The following PTPRO variants were observed in gnomAD, a reference collection of about 807,000 sequenced individuals.
PTPRO encodes protein tyrosine phosphatase receptor type O, also known as receptor-type tyrosine-protein phosphatase O.
A neutral mutation model predicts 145.2 loss-of-function variants in PTPRO; 62 were observed. The observed-to-expected ratio is 0.43, with a 90% CI of 0.35 to 0.53. PTPRO has a LOEUF of 0.53. Ranked by LOEUF, PTPRO falls within the 20% of genes least tolerant of loss-of-function variation. The pLI, the probability that PTPRO is intolerant of heterozygous loss-of-function variation, is 0.01. For synonymous variants in PTPRO, 565 were observed against 514.7 expected (o/e 1.10, Z -1.32); for missense variants, 1,345 against 1,482.7 (o/e 0.91, Z 1.53).
Position 15,501,605 on chromosome 12 carries a change from TTC to T in PTPRO, c.662-7_662-6del. 1 of 1,601,286 alleles carries T rather than the reference TTC, an allele frequency of 6.2e-7. No homozygotes were observed. Among genetic ancestry groups the T allele is most frequent in the Non-Finnish European group, 8.6e-7 (1 of 1,168,818 alleles). On this transcript the variant is annotated splice_polypyrimidine_tract_variant and intron_variant, in intron 4 of 26. Coordinates refer to ENST00000281171, the MANE Select transcript of PTPRO (RefSeq NM_030667.3). ...ATTAAAAAATACTTGAAAATGAAAA[TTC>T]TCTCTCTTACAGCCCCTTATCCACC...
At chr12:15,437,549 A>G (rs1019621245) in intron 1 of PTPRO, among the ~76,000 whole-genome samples, 3 of 152,088 alleles carry the variant, frequency 2.0e-5, no homozygotes, top group African/African-American at 7.2e-5. Flanking sequence ...ATGGTATAGT[A>G]AGACCCTTTC....
intron 19 of PTPRO, among the ~76,000 whole-genome samples, chr12:15,572,209 A>G (rs973449267): frequency 5.3e-5 from 8 of 152,240 alleles, no homozygotes; most frequent in African/African-American, 1.7e-4. Context: ...ATGCTCATGT[A>G]TAAGTTTCAA....
rs376688511 is a variant in PTPRO at position 15,486,434 on chromosome 12, A to G, written c.349+2187A>G. Among the ~76,000 whole-genome samples the G allele has an allele frequency of 3.9e-5, 6 of 152,280 alleles. No homozygotes were observed. The South Asian group carries it at 1.2e-3, about 32-fold the overall frequency. ...TCAGCCTACTTCTGTCTTTACGTGT[A>G]AAAGGGTTTCCTGCAGACAGCATAG... On this transcript the variant is annotated intron_variant, in intron 2 of 26. Coordinates refer to ENST00000281171, the MANE Select transcript of PTPRO (RefSeq NM_030667.3).
intron 10 of PTPRO, among the ~76,000 whole-genome samples, chr12:15,522,512 T>C (rs796385679): frequency 1.6e-4 from 25 of 152,238 alleles, no homozygotes; most frequent in African/African-American, 4.6e-4. Context: ...ACTGAAGAAT[T>C]TGTAATATAT....
chr12:15,592,945 C>A (rs1267512782), intron 25 of PTPRO, among the ~76,000 whole-genome samples: 1 of 152,174 alleles, frequency 6.6e-6, no homozygotes, highest in South Asian at 2.1e-4. Context: ...TCGGGACTTT[C>A]AAGGACAAGT....
chr12:15,367,422 T>C (rs1565589462), intron 1 of PTPRO, among the ~76,000 whole-genome samples: 1 of 152,180 alleles, frequency 6.6e-6, no homozygotes, highest in African/African-American at 2.4e-5. Context: ...AAATAGAATC[T>C]TGAGAAGAAT....
At chr12:15,489,556 G>A (rs985307898) in intron 2 of PTPRO, among the ~76,000 whole-genome samples, 1 of 152,186 alleles carries the variant, frequency 6.6e-6, no homozygotes, top group Non-Finnish European at 1.5e-5. Flanking sequence ...TCATGGCACT[G>A]GTGGGTGTCT....
chr12:15,538,931 T>C (rs1392432983), intron 12 of PTPRO, among the ~76,000 whole-genome samples: 1 of 152,230 alleles, frequency 6.6e-6, no homozygotes. Flanking sequence ...CTGGGCTAGA[T>C]GATCTTTTAT....
intron 25 of PTPRO, among the ~76,000 whole-genome samples, chr12:15,593,396 G>A (rs1258672771): frequency 6.6e-6 from 1 of 152,160 alleles, no homozygotes; most frequent in Non-Finnish European, 1.5e-5. Flanking sequence ...GAAAAAGGAG[G>A]AACACTGTGA....
At chr12:15,435,879 C>G (rs1293390818) in intron 1 of PTPRO, among the ~76,000 whole-genome samples, 1 of 152,194 alleles carries the variant, frequency 6.6e-6, no homozygotes, top group African/African-American at 2.4e-5. Flanking sequence ...CTATTATTTT[C>G]AGGCCAAGAA....
At chr12:15,361,990 A>G (rs2136245078) in intron 1 of PTPRO, among the ~76,000 whole-genome samples, 1 of 152,332 alleles carries the variant, frequency 6.6e-6, no homozygotes. Context: ...GACACTGTAC[A>G]TGAACTACAG....
chr12:15,421,268 G>A (rs987991949), intron 1 of PTPRO, among the ~76,000 whole-genome samples: 1 of 152,012 alleles, frequency 6.6e-6, no homozygotes, highest in Non-Finnish European at 1.5e-5. Context: ...CTTTCCTTCT[G>A]GGCTGTAAAT....
At position 15,417,061 on chromosome 12, in the gene PTPRO, T is replaced by C. The variant is rs573791949; in HGVS notation, c.76-66913T>C. Among the ~76,000 whole-genome samples, 25 of 151,788 alleles carry C rather than the reference T, an allele frequency of 1.6e-4. 2 individuals are homozygous for C. Among genetic ancestry groups the C allele is most frequent in the African/African-American group, 6.1e-4 (25 of 41,062 alleles). Reference sequence around the variant, plus strand: ...TTCCTGAGAGGATTCTACCCTCCCATGATTCGTGGAACTATCTAAACAACT... The same window carrying C: ...TTCCTGAGAGGATTCTACCCTCCCACGATTCGTGGAACTATCTAAACAACT... On this transcript the variant is annotated intron_variant, in intron 1 of 26. Coordinates refer to ENST00000281171, the MANE Select transcript of PTPRO (RefSeq NM_030667.3).
At chr12:15,530,540 A>G (rs991854831) in intron 12 of PTPRO, among the ~76,000 whole-genome samples, 2 of 152,210 alleles carry the variant, frequency 1.3e-5, no homozygotes, top group African/African-American at 4.8e-5. Context: ...TCTGACCACA[A>G]TGGAATAAGA....
At chr12:15,377,230 T>C (rs1048564826) in intron 1 of PTPRO, among the ~76,000 whole-genome samples, 1 of 151,964 alleles carries the variant, frequency 6.6e-6, no homozygotes, top group Non-Finnish European at 1.5e-5. Context: ...ATTAAAACGG[T>C]ACACTAGAAA....
chr12:15,356,273 G>A (rs146705244), intron 1 of PTPRO, among the ~76,000 whole-genome samples: 1 of 152,184 alleles, frequency 6.6e-6, no homozygotes, highest in African/African-American at 2.4e-5. Flanking sequence ...TTGTCTTGGA[G>A]CAAGAAATGC....
At chr12:15,425,520 A>T (rs1334283157) in intron 1 of PTPRO, among the ~76,000 whole-genome samples, 2 of 152,124 alleles carry the variant, frequency 1.3e-5, no homozygotes, top group African/African-American at 4.8e-5. Flanking sequence ...ATCTTATTAA[A>T]CAAGGCCTTG....
chr12:15,332,428 A>G (rs1866639653), intron 1 of PTPRO, among the ~76,000 whole-genome samples: 1 of 152,224 alleles, frequency 6.6e-6, no homozygotes, highest in Non-Finnish European at 1.5e-5. Flanking sequence ...CTTTTGGAGG[A>G]AAATACGTAG....
intron 1 of PTPRO, among the ~76,000 whole-genome samples, chr12:15,431,857 G>A (rs1940449171): frequency 6.6e-6 from 1 of 152,098 alleles, no homozygotes; most frequent in African/African-American, 2.4e-5. Flanking sequence ...AGATAAGCAT[G>A]TCTAGTCTCA....
Sources: gnomAD v4.1 joint callset for allele counts (sites outside exome capture counted in the v4.1 genomes callset) on GRCh38, gnomAD v4.1.1 for gene constraint, MANE v1.5 for transcripts, NCBI Gene and HGNC (gene_info 2026-07-23, HGNC 2026-07-21) for gene names.